Variants in EYS observed in about 807,000 individuals in gnomAD.
EYS encodes EGF-like photoreceptor maintenance factor, also known as protein eyes shut homolog.
Under a neutral mutation model 282.1 loss-of-function variants are expected in EYS, and 250 were observed. The ratio of observed to expected loss-of-function variants is 0.89; its 90% CI spans 0.80 to 0.98. EYS has a LOEUF of 0.98. Ranked by LOEUF, EYS falls within the 50% of genes least tolerant of loss-of-function variation. EYS has a pLI of 0.00. For synonymous variants in EYS, 1,355 were observed against 1,282.9 expected (o/e 1.06, Z -1.20); for missense variants, 4,016 against 3,709.0 (o/e 1.08, Z -2.15).
chr6:64,535,007 C>G (rs551579604), intron 26 of EYS, among the ~76,000 whole-genome samples: 68 of 152,184 alleles, frequency 4.5e-4, no homozygotes, highest in Admixed American at 4.3e-3. Context: ...ACTAAACTTC[C>G]TCTTTGGTCT....
chr6:64,954,783 A>G (rs1397364951), intron 14 of EYS, among the ~76,000 whole-genome samples: 1 of 152,192 alleles, frequency 6.6e-6, no homozygotes, highest in Non-Finnish European at 1.5e-5. Flanking sequence ...ACAACTATAT[A>G]CACTGAAAAC....
At chr6:64,858,344 G>A (rs1017011535) in intron 19 of EYS, among the ~76,000 whole-genome samples, 5 of 152,066 alleles carry the variant, frequency 3.3e-5, no homozygotes, top group African/African-American at 1.2e-4. Context: ...ATCACTGATT[G>A]GGGAGACTAT....
At chr6:64,509,390 C>T (rs1396041118) in intron 26 of EYS, among the ~76,000 whole-genome samples, 1 of 152,100 alleles carries the variant, frequency 6.6e-6, no homozygotes, top group Non-Finnish European at 1.5e-5. Context: ...TCTGTGGCTA[C>T]TCACAGAATT....
At chr6:64,438,138 T>C (rs1774813450) in intron 27 of EYS, among the ~76,000 whole-genome samples, 1 of 151,630 alleles carries the variant, frequency 6.6e-6, no homozygotes, top group Admixed American at 6.6e-5. Context: ...GGTTTCAAAA[T>C]GTTATTAGCT....
At chr6:63,880,439 A>G (rs1407438607) in intron 35 of EYS, among the ~76,000 whole-genome samples, 1 of 152,034 alleles carries the variant, frequency 6.6e-6, no homozygotes, top group Non-Finnish European at 1.5e-5. Flanking sequence ...AAAACTTAAC[A>G]AACTTCCCAT....
chr6:65,394,379 G>C (rs1040487170), intron 7 of EYS, among the ~76,000 whole-genome samples: 15 of 152,030 alleles, frequency 9.9e-5, no homozygotes, highest in Non-Finnish European at 1.9e-4. Context: ...TACATGTCAG[G>C]TCACAATGAC....
At chr6:64,465,729 A>C (rs1449864227) in intron 26 of EYS, among the ~76,000 whole-genome samples, 1 of 132,576 alleles carries the variant, frequency 7.5e-6, no homozygotes, top group Non-Finnish European at 1.6e-5. Flanking sequence ...TAGGCCAAAA[A>C]AGTAAAAAAA....
chr6:64,663,246 G>A (rs1444995289), intron 22 of EYS, among the ~76,000 whole-genome samples: 2 of 152,082 alleles, frequency 1.3e-5, no homozygotes, highest in African/African-American at 2.4e-5. Flanking sequence ...ATATTCTGAC[G>A]AAATATACCA....
At chr6:65,489,426 A>G (rs1765941236) in intron 5 of EYS, 1 of 152,226 alleles carries the variant, frequency 6.6e-6, no homozygotes. Context: ...CCACAATGAG[A>G]TACCATCTTA....
intron 1 of EYS, among the ~76,000 whole-genome samples, chr6:65,687,481 C>T (rs1247097811): frequency 6.6e-6 from 1 of 151,988 alleles, no homozygotes; most frequent in Non-Finnish European, 1.5e-5. Flanking sequence ...AGCAGTAAAC[C>T]AACCTCTAAG....
chr6:64,336,448 G>A (rs1284365737), intron 29 of EYS, among the ~76,000 whole-genome samples: 6 of 151,918 alleles, frequency 3.9e-5, no homozygotes, highest in Admixed American at 6.6e-5. Flanking sequence ...TACATGCACC[G>A]AACACTGGAG....
At chr6:65,170,101 G>T (rs1215236314) in intron 12 of EYS, among the ~76,000 whole-genome samples, 2 of 151,510 alleles carry the variant, frequency 1.3e-5, no homozygotes, top group Admixed American at 1.3e-4. Context: ...TCCTGAGTGA[G>T]TCAATTTAGA....
At chr6:65,190,211 A>T (rs1026695885) in intron 12 of EYS, among the ~76,000 whole-genome samples, 1 of 149,780 alleles carries the variant, frequency 6.7e-6, no homozygotes, top group Admixed American at 6.7e-5. Context: ...ATAAAACATA[A>T]AATATATAAA....
intron 8 of EYS, among the ~76,000 whole-genome samples, chr6:65,384,055 C>T (rs1218941672): frequency 6.6e-6 from 1 of 151,810 alleles, no homozygotes; most frequent in African/African-American, 2.4e-5. Context: ...AACAATCAAC[C>T]ACTAGACTGA....
intron 2 of EYS, among the ~76,000 whole-genome samples, chr6:65,557,991 G>A (rs1465940254): frequency 6.6e-6 from 1 of 152,092 alleles, no homozygotes; most frequent in Non-Finnish European, 1.5e-5. Context: ...GGGTGGCCAT[G>A]GGAGGACCTG....
chr6:65,671,311 C>T (rs1768384041), intron 1 of EYS, among the ~76,000 whole-genome samples: 1 of 151,942 alleles, frequency 6.6e-6, no homozygotes, highest in Non-Finnish European at 1.5e-5. Context: ...AAGAGATGTA[C>T]TTTAAAAACA....
chr6:64,091,444 G>A (rs2150251725), intron 31 of EYS, among the ~76,000 whole-genome samples: 1 of 152,246 alleles, frequency 6.6e-6, no homozygotes, highest in Admixed American at 6.5e-5. Flanking sequence ...TTAATTAAAA[G>A]TGTTCCACTC....
intron 12 of EYS, among the ~76,000 whole-genome samples, chr6:65,280,386 G>T (rs900913315): frequency 6.6e-6 from 1 of 152,026 alleles, no homozygotes; most frequent in Non-Finnish European, 1.5e-5. Flanking sequence ...TATAACTTTA[G>T]TTTTTATGTA....
rs539763797 is a variant in EYS at position 65,478,423 on chromosome 6, A to G, written c.862+12171T>C. Among the ~76,000 whole-genome samples the G allele has an allele frequency of 8.8e-4, 134 of 152,294 alleles. 2 individuals are homozygous for G. Among genetic ancestry groups the G allele is most frequent in the African/African-American group, 2.6e-3 (108 of 41,584 alleles). On this transcript the variant is annotated intron_variant, in intron 5 of 42. Coordinates refer to ENST00000503581, the MANE Select transcript of EYS (RefSeq NM_001142800.2). ...GAATGAGAAGTTGTTATGCCAAACA[A>G]TAACAAAAGTAGCAAAAGCTAAAAT...
Sources: allele counts gnomAD v4.1 joint callset (sites outside exome capture counted in the v4.1 genomes callset), GRCh38; gene constraint gnomAD v4.1.1; transcripts MANE v1.5; gene names NCBI Gene and HGNC (gene_info 2026-07-23, HGNC 2026-07-21).